NEBL: variants seen among roughly 807,000 people sequenced by gnomAD.
NEBL encodes the protein nebulette, also known as LIM and SH3 protein 2.
Under a neutral mutation model 140.2 loss-of-function variants are expected in NEBL, and 122 were observed. The ratio of observed to expected loss-of-function variants is 0.87; its 90% CI spans 0.75 to 1.01. NEBL has a LOEUF of 1.01. NEBL is among the 50% of genes least tolerant of loss of function. The pLI, the probability that NEBL is intolerant of heterozygous loss-of-function variation, is 0.00. For synonymous variants in NEBL, 436 were observed against 398.9 expected (o/e 1.09, Z -1.11); for missense variants, 1,365 against 1,231.3 (o/e 1.11, Z -1.62).
At chr10:20,903,851 G>A (rs1337005897) in intron 4 of NEBL, among the ~76,000 whole-genome samples, 1 of 136,518 alleles carries the variant, frequency 7.3e-6, no homozygotes, top group African/African-American at 3.1e-5. Flanking sequence ...GTACTGTAAC[G>A]GCCAATGGAG....
At chr10:21,029,184 G>A in intron 2 of NEBL, 1 of 1,381,688 alleles carries the variant, frequency 7.2e-7, no homozygotes, top group Non-Finnish European at 1.0e-6. Context: ...ATAACAATGT[G>A]TATAGGGCGC....
Position 20,845,354 on chromosome 10 carries a change from C to T in NEBL, c.1131G>A (p.Glu377=). The T allele has an allele frequency of 1.3e-6, 2 of 1,589,602 alleles. No individual in the cohort carries two copies. The highest frequency in any genetic ancestry group is 1.7e-6 in the Non-Finnish European group (2 of 1,158,368). The change falls in exon 12 of 28, where the codon GAG becomes GAA. Residue 377 remains glutamate, a synonymous_variant. Transcript: ENST00000377122. ...TTCCTTTAATCTCCTTCTCAAAATC[C>T]TCTTTGTAAACTTTCTGTTAAATAA... is the stretch of plus-strand genomic sequence containing the variant. ...QKMQSEKVYK[E]DFEKEIKGRS...
At chr10:21,074,259 G>C (rs1835955735) in intron 2 of NEBL, among the ~76,000 whole-genome samples, 1 of 151,878 alleles carries the variant, frequency 6.6e-6, no homozygotes, top group South Asian at 2.1e-4. Context: ...GTATCTGCTT[G>C]TGCCTACCCA....
intron 3 of NEBL, among the ~76,000 whole-genome samples, chr10:21,207,883 G>A (rs576996009): frequency 3.7e-4 from 56 of 152,260 alleles, no homozygotes; most frequent in Admixed American, 9.8e-4. Flanking sequence ...AACTTGGAAC[G>A]TAGGCCCGAA....
chr10:21,239,791 C>T lies in NEBL; in HGVS notation n.348+8130G>A, dbSNP rs540941850. On this transcript the variant is annotated intron_variant and non_coding_transcript_variant, in intron 3 of 8. Transcript: ENST00000675702. ...CCAGCACTTTGGAGGTTGAGGTGGG[C>T]GGATTACAAGGTCAGGAGATCAAGA... 2.0e-3 allele frequency among the ~76,000 whole-genome samples: 310 copies of T among 151,826 alleles called. 1 individual carries two copies. The highest frequency in any genetic ancestry group is 3.2e-3 in the Non-Finnish European group (215 of 67,882).
At chr10:20,835,124 T>C (rs976535387) in intron 14 of NEBL, among the ~76,000 whole-genome samples, 1 of 152,208 alleles carries the variant, frequency 6.6e-6, no homozygotes, top group Non-Finnish European at 1.5e-5. Flanking sequence ...AGTGTCCATA[T>C]ATGAAGTTCT....
At chr10:20,872,124 C>T (rs1440797894) in intron 5 of NEBL, among the ~76,000 whole-genome samples, 2 of 152,156 alleles carry the variant, frequency 1.3e-5, no homozygotes, top group African/African-American at 2.4e-5. Flanking sequence ...CTAAGCTTTA[C>T]ATGGGTTACC....
chr10:21,056,915 C>G (rs1250802044), intron 2 of NEBL, among the ~76,000 whole-genome samples: 1 of 151,980 alleles, frequency 6.6e-6, no homozygotes, highest in Non-Finnish European at 1.5e-5. Context: ...CTTTCTTAAG[C>G]TCGGAGTCAA....
At chr10:21,186,809 T>C (rs1841478604) in intron 3 of NEBL, among the ~76,000 whole-genome samples, 1 of 152,014 alleles carries the variant, frequency 6.6e-6, no homozygotes, top group African/African-American at 2.4e-5. Context: ...AATATATAGG[T>C]AATAAAACGT....
chr10:21,176,257 C>T (rs572607187), upstream of NEBL, among the ~76,000 whole-genome samples: 2 of 152,304 alleles, frequency 1.3e-5, no homozygotes, highest in South Asian at 4.1e-4. Flanking sequence ...CCCACCTCAG[C>T]CTCCCAAAGT....
intron 26 of NEBL, chr10:20,793,279 A>C: frequency 1.1e-6 from 1 of 869,894 alleles, no homozygotes; most frequent in Non-Finnish European, 1.4e-6. Flanking sequence ...ATCGTGATAC[A>C]AAATAATTAA....
At chr10:20,905,661 A>G (rs1848061441) in intron 4 of NEBL, among the ~76,000 whole-genome samples, 1 of 152,170 alleles carries the variant, frequency 6.6e-6, no homozygotes, top group Non-Finnish European at 1.5e-5. Flanking sequence ...AGAAAAGGAT[A>G]CTGAAAATGG....
At chr10:20,817,013 C>T (rs927870578) in intron 21 of NEBL, among the ~76,000 whole-genome samples, 5 of 152,096 alleles carry the variant, frequency 3.3e-5, no homozygotes, top group Admixed American at 1.3e-4. Context: ...CCAGAAGCTA[C>T]GACTGTGGGA....
chr10:21,247,914 G>A (rs753974498), intron 3 of NEBL: 17 of 231,358 alleles, frequency 7.3e-5, no homozygotes, highest in Non-Finnish European at 1.6e-4. Flanking sequence ...TAGTAAAAAG[G>A]ATTCACCTTC....
intron 5 of NEBL, among the ~76,000 whole-genome samples, chr10:20,875,456 T>G (rs3897497): frequency 0.019 from 2,924 of 152,212 alleles, 88 homozygotes; most frequent in African/African-American, 0.066. Flanking sequence ...GCATATGAGA[T>G]TTTGAAAGTG....
At chr10:21,189,605 C>T (rs1177719553) in intron 3 of NEBL, among the ~76,000 whole-genome samples, 2 of 152,132 alleles carry the variant, frequency 1.3e-5, no homozygotes, top group Non-Finnish European at 2.9e-5. Context: ...GCTGGGACTA[C>T]AGGCGCCCGC....
intron 2 of NEBL, among the ~76,000 whole-genome samples, chr10:21,069,365 T>C (rs959507376): frequency 1.3e-5 from 2 of 152,172 alleles, no homozygotes; most frequent in Admixed American, 1.3e-4. Flanking sequence ...TGTTCTCCCA[T>C]GCACCATGTC....
chr10:21,242,317 A>G (rs1401540774), intron 3 of NEBL, among the ~76,000 whole-genome samples: 1 of 152,252 alleles, frequency 6.6e-6, no homozygotes, highest in South Asian at 2.1e-4. Flanking sequence ...CGTGCTTTGC[A>G]GCAACATGGA....
chr10:21,267,065 G>C (rs1308754686), intron 1 of NEBL, among the ~76,000 whole-genome samples: 2 of 151,762 alleles, frequency 1.3e-5, no homozygotes, highest in East Asian at 1.9e-4. Flanking sequence ...ACCTCCACTT[G>C]CCAGGTCCCA....
Sources: gnomAD v4.1 joint callset for allele counts (sites outside exome capture counted in the v4.1 genomes callset) on GRCh38, gnomAD v4.1.1 for gene constraint, MANE v1.5 for transcripts, NCBI Gene and HGNC (gene_info 2026-07-23, HGNC 2026-07-21) for gene names.